The following TAFA1 variants were observed in gnomAD, a reference collection of about 807,000 sequenced individuals.
TAFA1 encodes TAFA chemokine like family member 1.
Under a neutral mutation model 18.5 loss-of-function variants are expected in TAFA1, and 4 were observed. The ratio of observed to expected loss-of-function variants is 0.22; its 90% CI spans 0.11 to 0.49. TAFA1 has a LOEUF of 0.49. Among genes scored for constraint, TAFA1 ranks in the 20% least tolerant of loss-of-function variants. The pLI is 0.98. For synonymous variants in TAFA1, 56 were observed against 55.2 expected (o/e 1.01, Z -0.06); for missense variants, 147 against 169.0 (o/e 0.87, Z 0.72).
rs1321388462 is a variant in TAFA1, at chr3:68,545,383, G to C, written c.*880G>C. On this transcript the variant is annotated 3_prime_UTR_variant, in exon 5 of 5. Transcript: ENST00000478136. The stretch of plus-strand genomic sequence containing the variant: ...CAATGTCTTAAGGCTTTGTATAGCT[G>C]TCCTAGACTGCAGAAATGTCCTCTG... The C allele has an allele frequency of 6.6e-6, 1 of 152,580 alleles. No homozygotes were observed. Among genetic ancestry groups the C allele is most frequent in the Non-Finnish European group, 1.5e-5 (1 of 68,040 alleles). The allele number at this position is 152,580 out of a possible 1,614,324, so 9.5% of individuals were successfully genotyped here. A position where few individuals can be genotyped will look rare whatever the true frequency, so the allele number is the denominator to read the frequency against.
At chr3:68,230,462 C>T (rs565432543) in intron 2 of TAFA1, among the ~76,000 whole-genome samples, 29 of 152,242 alleles carry the variant, frequency 1.9e-4, no homozygotes, top group South Asian at 6.2e-4. Context: ...CATTCTTTTT[C>T]ATGGCTGAAT....
chr3:68,119,116 C>T (rs547379807), intron 2 of TAFA1, among the ~76,000 whole-genome samples: 3 of 151,444 alleles, frequency 2.0e-5, no homozygotes, highest in Non-Finnish European at 4.4e-5. Context: ...ATTTGCATTT[C>T]CATAATGATT....
intron 2 of TAFA1, among the ~76,000 whole-genome samples, chr3:68,055,543 C>T (rs1198326004): frequency 6.6e-6 from 1 of 152,032 alleles, no homozygotes; most frequent in Non-Finnish European, 1.5e-5. Context: ...GTAAGTGCTT[C>T]CTTACTCAAG....
chr3:68,419,987 AT>A (rs1458175791), intron 3 of TAFA1, among the ~76,000 whole-genome samples: 1 of 152,048 alleles, frequency 6.6e-6, no homozygotes, highest in Non-Finnish European at 1.5e-5. Context: ...TCTCTTCAAG[AT>A]TTTTATTTTT....
chr3:68,516,838 A>G (rs1436625884), intron 3 of TAFA1, among the ~76,000 whole-genome samples: 1 of 152,104 alleles, frequency 6.6e-6, no homozygotes, highest in African/African-American at 2.4e-5. Flanking sequence ...GCAATGGAGC[A>G]TCTCAGCTCT....
intron 2 of TAFA1, among the ~76,000 whole-genome samples, chr3:68,342,907 G>T (rs1048988549): frequency 1.6e-4 from 25 of 152,156 alleles, no homozygotes; most frequent in African/African-American, 5.8e-4. Context: ...CAGCCTTTAA[G>T]ATTTAATAGT....
intron 2 of TAFA1, among the ~76,000 whole-genome samples, chr3:68,123,485 A>G (rs1268833700): frequency 3.9e-5 from 6 of 152,168 alleles, no homozygotes; most frequent in Admixed American, 3.3e-4. Flanking sequence ...AACTTTCCCT[A>G]CTATATTGCC....
At position 68,267,179 on chromosome 3, in the gene TAFA1, C is replaced by T. The variant is rs1464951615; in HGVS notation, c.119-150101C>T. Among the ~76,000 whole-genome samples, 4 of 152,160 alleles carry T rather than the reference C, an allele frequency of 2.6e-5. No homozygotes were observed. In the South Asian group the frequency reaches 8.3e-4, roughly 32 times the overall value. On this transcript the variant is annotated intron_variant, in intron 2 of 4. Coordinates refer to ENST00000478136, the MANE Select transcript of TAFA1 (RefSeq NM_213609.4). Reference sequence around the variant, plus strand: ...AGATAAGACTTGTTGTGTTAATTAGCCTCATCTAATCATTCCACACTGTGG... The same window carrying T: ...AGATAAGACTTGTTGTGTTAATTAGTCTCATCTAATCATTCCACACTGTGG...
chr3:68,414,271 C>T (rs558119268), intron 2 of TAFA1, among the ~76,000 whole-genome samples: 47 of 152,234 alleles, frequency 3.1e-4, no homozygotes, highest in Non-Finnish European at 5.4e-4. Flanking sequence ...CGCGCCATTG[C>T]ACTCCAGCCT....
intron 2 of TAFA1, among the ~76,000 whole-genome samples, chr3:68,357,021 A>G (rs1304468428): frequency 6.6e-6 from 1 of 151,858 alleles, no homozygotes; most frequent in Non-Finnish European, 1.5e-5. Flanking sequence ...AAAACCTTTA[A>G]GGTTGATGTC....
intron 3 of TAFA1, among the ~76,000 whole-genome samples, chr3:68,470,002 A>C (rs986034786): frequency 3.9e-5 from 6 of 152,194 alleles, no homozygotes; most frequent in African/African-American, 1.4e-4. Flanking sequence ...GTCCCCATCC[A>C]AATCTCACCT....
chr3:68,443,033 C>T (rs1447730775), intron 3 of TAFA1, among the ~76,000 whole-genome samples: 2 of 152,104 alleles, frequency 1.3e-5, no homozygotes, highest in Admixed American at 6.6e-5. Flanking sequence ...TGTATCGTGG[C>T]TCTGTTATAT....
intron 2 of TAFA1, among the ~76,000 whole-genome samples, chr3:68,101,932 C>A (rs1207805392): frequency 6.6e-6 from 1 of 152,054 alleles, no homozygotes; most frequent in Non-Finnish European, 1.5e-5. Flanking sequence ...GTGGATGGTT[C>A]CAGATAGAGA....
chr3:68,253,560 A>G (rs1289644439), intron 2 of TAFA1, among the ~76,000 whole-genome samples: 1 of 152,160 alleles, frequency 6.6e-6, no homozygotes, highest in Non-Finnish European at 1.5e-5. Context: ...ATTGCTGTTT[A>G]ACTGTCTTAC....
intron 2 of TAFA1, among the ~76,000 whole-genome samples, chr3:68,207,111 A>C (rs569845347): frequency 6.6e-6 from 1 of 152,068 alleles, no homozygotes; most frequent in South Asian, 2.1e-4. Flanking sequence ...AATATTATCA[A>C]ATTGAATGAT....
intron 3 of TAFA1, among the ~76,000 whole-genome samples, chr3:68,515,758 GGA>G (rs1301987059): frequency 6.6e-6 from 1 of 152,126 alleles, no homozygotes. Flanking sequence ...TGTAAAATGT[GGA>G]TAATAATGAT....
intron 3 of TAFA1, among the ~76,000 whole-genome samples, chr3:68,513,718 A>G (rs1473970836): frequency 6.6e-6 from 1 of 152,190 alleles, no homozygotes; most frequent in East Asian, 1.9e-4. Context: ...ATAAAGCAGG[A>G]CAGGTATTAC....
chr3:68,278,632 T>A (rs2107250789), intron 2 of TAFA1, among the ~76,000 whole-genome samples: 1 of 152,288 alleles, frequency 6.6e-6, no homozygotes, highest in East Asian at 1.9e-4. Context: ...ATAGTATTAC[T>A]TGATCAATAT....
chr3:68,439,412 C>CATACATATATATATATATATATATATAT (rs1264523262), intron 3 of TAFA1, among the ~76,000 whole-genome samples: 1 of 73,432 alleles, frequency 1.4e-5, no homozygotes, highest in African/African-American at 7.1e-5. Context: ...TATATACATA[C>CATACATATATATATATATATATATATAT]ATATATATAT....
Sources: allele counts gnomAD v4.1 joint callset (sites outside exome capture counted in the v4.1 genomes callset), GRCh38; gene constraint gnomAD v4.1.1; transcripts MANE v1.5; gene names NCBI Gene and HGNC (gene_info 2026-07-23, HGNC 2026-07-21).